MEGF11: variants seen among roughly 807,000 people sequenced by gnomAD.
MEGF11 encodes multiple EGF like domains 11.
A neutral mutation model predicts 146.6 loss-of-function variants in MEGF11; 126 were observed. The observed-to-expected ratio is 0.86, with a 90% CI of 0.74 to 1.00. The LOEUF is 1.00. Among genes scored for constraint, MEGF11 ranks in the 50% least tolerant of loss-of-function variants. The pLI is 0.00. For missense variants in MEGF11, 1,509 were observed against 1,521.2 expected, an observed-to-expected ratio of 0.99 and a Z score of 0.13; for synonymous variants, 532 against 583.4, an observed-to-expected ratio of 0.91 and a Z score of 1.27.
intron 5 of MEGF11, among the ~76,000 whole-genome samples, chr15:66,046,364 T>C (rs1187119861): frequency 6.6e-6 from 1 of 152,170 alleles, no homozygotes; most frequent in African/African-American, 2.4e-5. Flanking sequence ...CTTAACCTAA[T>C]GGAGGAAGCA....
At chr15:66,209,118 A>G (rs2091377341) in intron 1 of MEGF11, among the ~76,000 whole-genome samples, 1 of 152,148 alleles carries the variant, frequency 6.6e-6, no homozygotes, top group Admixed American at 6.5e-5. Context: ...TGGGAGGCTG[A>G]GGCGGGTGGA....
At chr15:65,901,537 A>G (rs1296970668) in intron 24 of MEGF11, among the ~76,000 whole-genome samples, 2 of 152,020 alleles carry the variant, frequency 1.3e-5, no homozygotes, top group African/African-American at 2.4e-5. Flanking sequence ...GTTGATACCA[A>G]TCAAGATGTT....
At chr15:66,125,331 C>T (rs1224005857) in intron 2 of MEGF11, among the ~76,000 whole-genome samples, 1 of 152,158 alleles carries the variant, frequency 6.6e-6, no homozygotes, top group Non-Finnish European at 1.5e-5. Flanking sequence ...TGAGGCAACT[C>T]GAGCCTCACT....
intron 10 of MEGF11, among the ~76,000 whole-genome samples, chr15:65,955,785 T>TAG (rs1567175054): frequency 2.7e-3 from 19 of 7,044 alleles, no homozygotes; most frequent in Non-Finnish European, 5.8e-3. Flanking sequence ...TATATATATA[T>TAG]ATATATATAC....
At chr15:66,115,948 C>T (rs7167774) in intron 4 of MEGF11, among the ~76,000 whole-genome samples, 24,712 of 152,172 alleles carry the variant, frequency 0.16, 2,353 homozygotes, top group East Asian at 0.33. Context: ...AACTGTGAGA[C>T]GATAAACCGC....
At chr15:65,945,052 T>C (rs1291313314) in intron 10 of MEGF11, among the ~76,000 whole-genome samples, 2 of 152,050 alleles carry the variant, frequency 1.3e-5, no homozygotes, top group Non-Finnish European at 2.9e-5. Context: ...GCGCACACCA[T>C]GCCTGGCTAA....
At chr15:65,916,380 G>A (rs2141221623) in intron 17 of MEGF11, 104 bp from the exon 18 acceptor site, 2 of 1,381,800 alleles carry the variant, frequency 1.4e-6, no homozygotes, top group African/African-American at 1.4e-5. Flanking sequence ...CTGAGCATGG[G>A]ATGAAGACTA....
intron 9 of MEGF11, 80 bp downstream of exon 9, chr15:65,964,828 G>T: frequency 7.4e-7 from 1 of 1,346,850 alleles, no homozygotes; most frequent in South Asian, 1.4e-5. Flanking sequence ...CTAGAGGTGG[G>T]GGGCCACATC....
At chr15:66,226,962 G>A (rs1241847060) in intron 1 of MEGF11, among the ~76,000 whole-genome samples, 1 of 152,156 alleles carries the variant, frequency 6.6e-6, no homozygotes, top group East Asian at 1.9e-4. Context: ...TGGTCTTCTC[G>A]TTTGCCAGGC....
At chr15:66,063,923 T>C (rs942306574) in intron 5 of MEGF11, among the ~76,000 whole-genome samples, 1 of 152,186 alleles carries the variant, frequency 6.6e-6, no homozygotes, top group Non-Finnish European at 1.5e-5. Flanking sequence ...GAGGAAACAA[T>C]CTCAGAAAAG....
intron 5 of MEGF11, among the ~76,000 whole-genome samples, chr15:66,030,503 G>A (rs964128628): frequency 3.3e-5 from 5 of 152,104 alleles, no homozygotes; most frequent in African/African-American, 1.2e-4. Context: ...TCCACCTCTC[G>A]AGTTCAAGTG....
chr15:66,065,214 A>C (rs1451895612), intron 5 of MEGF11, among the ~76,000 whole-genome samples: 1 of 152,124 alleles, frequency 6.6e-6, no homozygotes, highest in East Asian at 1.9e-4. Flanking sequence ...TATCAGAAAT[A>C]GGATGGAAAA....
chr15:65,952,391 T>C (rs1435274526), intron 10 of MEGF11, among the ~76,000 whole-genome samples: 1 of 152,146 alleles, frequency 6.6e-6, no homozygotes. Context: ...CAGCTCCACT[T>C]AGTCCCCTCA....
intron 10 of MEGF11, among the ~76,000 whole-genome samples, chr15:65,948,065 GAATT>G (rs1451234770): frequency 6.6e-6 from 1 of 152,174 alleles, no homozygotes; most frequent in East Asian, 1.9e-4. Flanking sequence ...TTTGCTCTGT[GAATT>G]AATTGACAAC....
chr15:66,118,596 GC>G (rs1483231907), intron 4 of MEGF11, among the ~76,000 whole-genome samples: 1 of 152,036 alleles, frequency 6.6e-6, no homozygotes, highest in Non-Finnish European at 1.5e-5. Context: ...TCTCATCTTT[GC>G]CCCCATCCTT....
At chr15:66,111,852 A>ACT (rs2087430884) in intron 4 of MEGF11, among the ~76,000 whole-genome samples, 1 of 152,194 alleles carries the variant, frequency 6.6e-6, no homozygotes, top group Non-Finnish European at 1.5e-5. Context: ...TGAATTGCAC[A>ACT]CTTTAAAATG....
intron 5 of MEGF11, among the ~76,000 whole-genome samples, chr15:66,033,139 C>T (rs1196010476): frequency 2.0e-5 from 3 of 149,784 alleles, no homozygotes; most frequent in East Asian, 2.0e-4. Context: ...AAATTTGCAG[C>T]CTAGTCATGC....
intron 4 of MEGF11, among the ~76,000 whole-genome samples, chr15:66,098,759 A>G (rs906812721): frequency 6.6e-6 from 1 of 152,194 alleles, no homozygotes; most frequent in African/African-American, 2.4e-5. Flanking sequence ...CCAAGTGCCA[A>G]TTCTGAGGTG....
At chr15:66,105,315 G>A (rs1287447694) in intron 4 of MEGF11, among the ~76,000 whole-genome samples, 1 of 152,170 alleles carries the variant, frequency 6.6e-6, no homozygotes, top group African/African-American at 2.4e-5. Context: ...GACAGAAAAG[G>A]GAGAAGGAGG....
Sources: gnomAD v4.1 joint callset for allele counts (sites outside exome capture counted in the v4.1 genomes callset) on GRCh38, gnomAD v4.1.1 for gene constraint, MANE v1.5 for transcripts, NCBI Gene and HGNC (gene_info 2026-07-23, HGNC 2026-07-21) for gene names.